The following NF1 variants were observed in gnomAD, a reference collection of about 807,000 sequenced individuals.
NF1 encodes the protein neurofibromin.
In NF1, 122 loss-of-function variants were observed where a neutral mutation model predicts 325.7. That is an observed-to-expected ratio of 0.37 (90% CI 0.32 to 0.44). The LOEUF is 0.44. NF1 is among the 20% of genes least tolerant of loss of function. NF1 has a pLI of 1.00. For missense variants in NF1, 2,140 were observed against 3,415.4 expected, an observed-to-expected ratio of 0.63 and a Z score of 9.31; for synonymous variants, 1,091 against 1,186.0, an observed-to-expected ratio of 0.92 and a Z score of 1.65.
chr17:31,298,880 T>C (rs1006265289), intron 36 of NF1, among the ~76,000 whole-genome samples: 15 of 152,132 alleles, frequency 9.9e-5, no homozygotes, highest in Non-Finnish European at 2.1e-4. Flanking sequence ...AATCTCTTAA[T>C]TTTAGGAAAC....
At chr17:31,330,030 A>C (rs2069440847) in intron 38 of NF1, among the ~76,000 whole-genome samples, 1 of 152,164 alleles carries the variant, frequency 6.6e-6, no homozygotes, top group South Asian at 2.1e-4. Flanking sequence ...ATTTTAGGAA[A>C]GCCTATACCC....
chr17:31,307,887 C>T (rs1407418228), intron 36 of NF1: 1 of 1,288,942 alleles, frequency 7.8e-7, no homozygotes, highest in South Asian at 1.2e-5. Context: ...TACAAATTAC[C>T]TTTTCAGCAT....
At chr17:31,296,769 A>G (rs1189446811) in intron 36 of NF1, 4 of 216,362 alleles carry the variant, frequency 1.8e-5, no homozygotes, top group Admixed American at 1.0e-4. Context: ...TAATCTCTGC[A>G]GTAATGTAAT....
chr17:31,209,802 A>G (rs1278608482), intron 12 of NF1, among the ~76,000 whole-genome samples: 2 of 151,996 alleles, frequency 1.3e-5, no homozygotes, highest in African/African-American at 4.8e-5. Context: ...ACAGGTGCCC[A>G]CCATCATGCC....
chr17:31,307,714 A>ATCAAACACAATG (rs2068761677), intron 36 of NF1, among the ~76,000 whole-genome samples: 2 of 152,336 alleles, frequency 1.3e-5, no homozygotes, highest in South Asian at 4.1e-4. Flanking sequence ...TTTGCACATC[A>ATCAAACACAATG]TCAAACACAA....
In NF1 at chr17:31,340,777, T is replaced by C. The variant is rs189748765; in HGVS notation, c.7062+132T>C. 24 of 936,146 alleles carry C rather than the reference T, an allele frequency of 2.6e-5. No homozygotes were observed. The East Asian group carries it at 6.1e-4, about 24-fold the overall frequency. The allele number at this position is 936,146 out of a possible 1,614,324, so 58.0% of individuals were successfully genotyped here. The stretch of plus-strand genomic sequence containing the variant: ...GGAATTTGTATAATGTAACTTATTG[T>C]GAGTATATTTCCTTACCAGCTCATA... On this transcript the variant is annotated intron_variant, in intron 47 of 57. Transcript: ENST00000358273.
chr17:31,141,138 A>G (rs538698468), intron 1 of NF1, among the ~76,000 whole-genome samples: 73 of 152,208 alleles, frequency 4.8e-4, no homozygotes, highest in African/African-American at 1.7e-3. Context: ...AGATGTTTTC[A>G]CTGTAGTAAC....
At chr17:31,200,626 CT>C (rs775132663) in intron 9 of NF1, 31 bp downstream of exon 9, 41 of 1,602,006 alleles carry the variant, frequency 2.6e-5, no homozygotes, top group Non-Finnish European at 2.9e-5. Flanking sequence ...CTACTACAAA[CT>C]TTAAGAAAAT....
rs376136174 is a variant in NF1, at chr17:31,374,029, C to T, written c.8394C>T (p.Asn2798=). Residue 2798 remains asparagine, a synonymous_variant, in exon 58 of 58, where the codon AAC becomes AAT. Coordinates refer to ENST00000358273, the MANE Select transcript of NF1 (RefSeq NM_001042492.3). ...TTTCTCCAGGAATCGACAAGGAGAA[C>T]GTTGAACTCTCCCCTACCACTGGCC... ...SQHSPGIDKE[N]VELSPTTGHC... is the part of the protein sequence containing the mutation. 41 of 1,613,934 alleles carry T rather than the reference C, an allele frequency of 2.5e-5. No homozygotes were observed. The highest frequency in any genetic ancestry group is 3.1e-5 in the Non-Finnish European group (36 of 1,179,960).
intron 1 of NF1, among the ~76,000 whole-genome samples, chr17:31,120,868 G>A (rs1914365325): frequency 6.6e-6 from 1 of 151,554 alleles, no homozygotes; most frequent in African/African-American, 2.4e-5. Context: ...AGTGTAATTT[G>A]TGATTGTTTC....
intron 48 of NF1, among the ~76,000 whole-genome samples, chr17:31,345,119 T>C (rs1172460423): frequency 6.6e-6 from 1 of 152,104 alleles, no homozygotes; most frequent in Admixed American, 6.5e-5. Context: ...TGACACTCTG[T>C]CTTAAAAGAC....
At chr17:31,160,530 T>C (rs879598257) in intron 3 of NF1, among the ~76,000 whole-genome samples, 1 of 152,216 alleles carries the variant, frequency 6.6e-6, no homozygotes, top group Non-Finnish European at 1.5e-5. Flanking sequence ...TGATATGCTA[T>C]TGTTCATGTG....
chr17:31,334,113 C>T (rs1028694592), intron 39 of NF1, among the ~76,000 whole-genome samples: 2 of 151,948 alleles, frequency 1.3e-5, no homozygotes, highest in East Asian at 1.9e-4. Context: ...AGTGAAACCC[C>T]GTCTCTACTC....
At chr17:31,238,517 G>A (rs565854297) in intron 29 of NF1, among the ~76,000 whole-genome samples, 49 of 152,184 alleles carry the variant, frequency 3.2e-4, no homozygotes, top group African/African-American at 1.1e-3. Context: ...GGCAGATCAC[G>A]AAGTCAGGAG....
chr17:31,249,522 T>G (rs2067458433), intron 30 of NF1, among the ~76,000 whole-genome samples: 1 of 152,202 alleles, frequency 6.6e-6, no homozygotes, highest in Non-Finnish European at 1.5e-5. Flanking sequence ...CTTGATCATC[T>G]GTGATTTTGG....
intron 36 of NF1, chr17:31,305,063 C>T (rs777011357): frequency 6.2e-7 from 1 of 1,614,052 alleles, no homozygotes; most frequent in South Asian, 1.1e-5. Context: ...AAGATAAATC[C>T]TGGTGTACTC....
chr17:31,159,473 AT>A (rs1443320400), intron 3 of NF1, among the ~76,000 whole-genome samples: 1 of 152,196 alleles, frequency 6.6e-6, no homozygotes, highest in Admixed American at 6.5e-5. Context: ...TATGAATATG[AT>A]TTTAATATTC....
At chr17:31,276,832 A>G (rs1289671590) in intron 36 of NF1, among the ~76,000 whole-genome samples, 5 of 152,156 alleles carry the variant, frequency 3.3e-5, no homozygotes, top group African/African-American at 9.7e-5. Context: ...TGTCAGTTCC[A>G]ATGATGTACA....
At chr17:31,257,351 A>G (rs1161956638) in intron 31 of NF1, among the ~76,000 whole-genome samples, 1 of 152,146 alleles carries the variant, frequency 6.6e-6, no homozygotes, top group African/African-American at 2.4e-5. Flanking sequence ...AAAATGTTAC[A>G]TTAAGTGTTC....
Sources: gnomAD v4.1 joint callset for allele counts (sites outside exome capture counted in the v4.1 genomes callset) on GRCh38, gnomAD v4.1.1 for gene constraint, MANE v1.5 for transcripts, NCBI Gene and HGNC (gene_info 2026-07-23, HGNC 2026-07-21) for gene names.